The following R3HDM2 variants were observed in gnomAD, a reference collection of about 807,000 sequenced individuals.
The protein encoded by R3HDM2 is R3H domain containing 2.
Under a neutral mutation model 124.5 loss-of-function variants are expected in R3HDM2, and 38 were observed. The observed-to-expected ratio is 0.31, with a 90% confidence interval of 0.24 to 0.40. The LOEUF (loss-of-function observed/expected upper bound fraction) is 0.40, where lower values mean the gene tolerates loss of function less well. Ranked by LOEUF, R3HDM2 falls within the 10% of genes least tolerant of loss-of-function variation. R3HDM2 has a pLI of 1.00. For missense variants in R3HDM2, 869 were observed against 1,236.9 expected (o/e 0.70, Z 4.46); for synonymous variants, 391 against 448.0 (o/e 0.87, Z 1.61).
intron 1 of R3HDM2, among the ~76,000 whole-genome samples, chr12:57,418,914 C>G (rs2069914537): frequency 6.6e-6 from 1 of 152,214 alleles, no homozygotes; most frequent in Non-Finnish European, 1.5e-5. Flanking sequence ...GTCACTCCCT[C>G]TACTCTAAAT....
Position 57,296,350 on chromosome 12 carries a change from C to T in R3HDM2, c.701+61G>A. The T allele has an allele frequency of 3.9e-6, 6 of 1,532,540 alleles. No homozygotes were observed. The South Asian group carries it at 7.2e-5, about 18-fold the overall frequency. The allele number at this position is 1,532,540 out of a possible 1,614,324, so 94.9% of individuals were successfully genotyped here. On this transcript the variant is annotated intron_variant, in intron 9 of 23. Transcript: ENST00000402412. This position sits in a 1 kb window ranked among gnomAD's most constrained non-coding sequence, Gnocchi z 4.5. ...AGAGACATCCTGATCCTACACCTTC[C>T]TCTTCCAACCCAGCAGGTTATCCCA...
intron 8 of R3HDM2, 82 bp downstream of exon 8, chr12:57,297,246 G>A: frequency 1.4e-6 from 1 of 731,544 alleles, no homozygotes; most frequent in South Asian, 1.8e-5. Context: ...ACTTCAAGGG[G>A]AACATCTCCT....
rs1040403244 is a variant in R3HDM2 at position 57,255,205 on chromosome 12, G to C, written c.2633-92C>G. ...AGCAGAGAAGTGTCCAGCTGACTAA[G>C]TCTGTATACAATGTCTTCAAAAGCC... On this transcript the variant is annotated intron_variant, in intron 23 of 23. Transcript: ENST00000402412. 6 of 1,073,660 alleles carry C rather than the reference G, an allele frequency of 5.6e-6. No individual in the cohort carries two copies. The African/African-American group carries it at 8.0e-5, about 14-fold the overall frequency. 66.5% of individuals were successfully genotyped at this position (1,073,660 alleles called of 1,614,324 possible).
At chr12:57,387,065 T>C (rs2065943498) in intron 2 of R3HDM2, among the ~76,000 whole-genome samples, 1 of 152,056 alleles carries the variant, frequency 6.6e-6, no homozygotes. Flanking sequence ...AACTTTTGTG[T>C]CTAGCTCAGG....
intron 2 of R3HDM2, among the ~76,000 whole-genome samples, chr12:57,314,440 T>C (rs750662913): frequency 4.6e-5 from 7 of 151,986 alleles, no homozygotes; most frequent in African/African-American, 9.7e-5. Flanking sequence ...GATTGTGCCA[T>C]TACACTCCAG....
At chr12:57,383,807 G>A (rs192925679) in intron 2 of R3HDM2, among the ~76,000 whole-genome samples, 1 of 152,264 alleles carries the variant, frequency 6.6e-6, no homozygotes, top group East Asian at 1.9e-4. Flanking sequence ...AGGTCCAGAG[G>A]GATATCAGAT....
At chr12:57,384,217 G>A (rs531224618) in intron 2 of R3HDM2, among the ~76,000 whole-genome samples, 19 of 152,116 alleles carry the variant, frequency 1.2e-4, no homozygotes, top group East Asian at 1.9e-4. Flanking sequence ...AGCCGGGCAC[G>A]GTGGTGGGCG....
chr12:57,270,378 A>G (rs7358684), intron 14 of R3HDM2, among the ~76,000 whole-genome samples: 67,714 of 151,600 alleles, frequency 0.45, 15,687 homozygotes, highest in South Asian at 0.52. Context: ...TCCTGCCACC[A>G]AACCCGGCTA....
intron 2 of R3HDM2, among the ~76,000 whole-genome samples, chr12:57,310,866 T>C (rs1016091039): frequency 1.3e-5 from 2 of 152,138 alleles, no homozygotes; most frequent in African/African-American, 4.8e-5. Context: ...GAATTTTATA[T>C]AAATGGAATC....
At chr12:57,271,022 CT>C (rs1271157168) in intron 14 of R3HDM2, among the ~76,000 whole-genome samples, 1 of 152,160 alleles carries the variant, frequency 6.6e-6, no homozygotes. Flanking sequence ...AAAAAGGCCC[CT>C]ACATTGCCAC....
chr12:57,289,772 A>T (rs1447971326), intron 11 of R3HDM2, among the ~76,000 whole-genome samples: 1 of 152,222 alleles, frequency 6.6e-6, no homozygotes, highest in Non-Finnish European at 1.5e-5. Context: ...TATACAGCTC[A>T]GGCTCCAGAG....
intron 2 of R3HDM2, among the ~76,000 whole-genome samples, chr12:57,360,048 T>TATATATA (rs58471413): frequency 1.0e-4 from 6 of 59,268 alleles, no homozygotes; most frequent in South Asian, 5.0e-4. Flanking sequence ...TATATATATA[T>TATATATA]TTTTTTTTTT....
At chr12:57,269,179 T>A (rs1197404373) in intron 16 of R3HDM2, 97 bp from the exon 17 acceptor site, 1 of 1,556,488 alleles carries the variant, frequency 6.4e-7, no homozygotes, top group Non-Finnish European at 8.7e-7. Flanking sequence ...ATCTTTCTTT[T>A]TCTGGAGAGC....
At chr12:57,430,620 C>T in intron 1 of R3HDM2, 100 bp downstream of exon 1, 1 of 984,372 alleles carries the variant, frequency 1.0e-6, no homozygotes, top group Non-Finnish European at 1.2e-6. Context: ...GCGAGGAACC[C>T]AGGCCGCGGG....
rs185136048 is a variant in R3HDM2, at chr12:57,423,080, G to A, written c.-106+7640C>T. Reference sequence around the variant, plus strand: ...ACCAAATATTTGAAGAAGGAGAGGGGTCAACAGTAATGAATGCTGCAAAAA... The same window carrying A: ...ACCAAATATTTGAAGAAGGAGAGGGATCAACAGTAATGAATGCTGCAAAAA... On this transcript the variant is annotated intron_variant, in intron 1 of 23. Transcript: ENST00000402412. Among the ~76,000 whole-genome samples the A allele has an allele frequency of 2.6e-5, 4 of 152,176 alleles. No homozygotes were observed. In the East Asian group the frequency reaches 5.8e-4, roughly 22 times the overall value.
chr12:57,269,289 T>C (rs751645755), intron 16 of R3HDM2, 34 bp downstream of exon 16: 8 of 1,610,982 alleles, frequency 5.0e-6, no homozygotes, highest in South Asian at 3.3e-5. Flanking sequence ...CCTTCCCTTA[T>C]TCACTGCCTT....
intron 2 of R3HDM2, among the ~76,000 whole-genome samples, chr12:57,395,226 G>A (rs2067315060): frequency 6.6e-6 from 1 of 151,710 alleles, no homozygotes; most frequent in Non-Finnish European, 1.5e-5. Flanking sequence ...AAAAATTAGA[G>A]CCGGGCACGG....
chr12:57,343,764 T>TAAAAAAAA (rs5798403), intron 2 of R3HDM2, among the ~76,000 whole-genome samples: 2 of 111,660 alleles, frequency 1.8e-5, no homozygotes, highest in Non-Finnish European at 3.8e-5. Context: ...TACAAAAGGT[T>TAAAAAAAA]AAAAAAAAAA....
At chr12:57,335,088 G>C (rs1312260589) in intron 2 of R3HDM2, among the ~76,000 whole-genome samples, 1 of 151,702 alleles carries the variant, frequency 6.6e-6, no homozygotes, top group Non-Finnish European at 1.5e-5. Context: ...GCTATAGTGA[G>C]CTATGATTGG....
Sources: gnomAD v4.1 joint callset for allele counts (sites outside exome capture counted in the v4.1 genomes callset) on GRCh38, gnomAD v4.1.1 for gene constraint, Gnocchi (gnomAD v3.1) non-coding constraint, MANE v1.5 for transcripts, NCBI Gene and HGNC (gene_info 2026-07-23, HGNC 2026-07-21) for gene names.